The following KCNH7 variants were observed in gnomAD, a reference collection of about 807,000 sequenced individuals.
KCNH7 encodes potassium voltage-gated channel subfamily H member 7, also known as voltage-gated inwardly rectifying potassium channel KCNH7.
A neutral mutation model predicts 120.8 loss-of-function variants in KCNH7; 49 were observed. The observed-to-expected ratio is 0.41, with a 90% CI of 0.32 to 0.51. KCNH7 has a LOEUF of 0.51. Ranked by LOEUF, KCNH7 falls within the 20% of genes least tolerant of loss-of-function variation. The pLI is 0.38. For missense variants in KCNH7, 1,097 were observed against 1,446.6 expected, an observed-to-expected ratio of 0.76 and a Z score of 3.92; for synonymous variants, 547 against 516.1, an observed-to-expected ratio of 1.06 and a Z score of -0.81.
intron 2 of KCNH7, among the ~76,000 whole-genome samples, chr2:162,675,321 C>T (rs975420535): frequency 1.3e-5 from 2 of 151,378 alleles, no homozygotes; most frequent in Non-Finnish European, 3.0e-5. Context: ...CAAACAGCAT[C>T]AAGCATTGAT....
chr2:162,546,017 T>G (rs1692463342), intron 2 of KCNH7, among the ~76,000 whole-genome samples: 1 of 152,222 alleles, frequency 6.6e-6, no homozygotes, highest in African/African-American at 2.4e-5. Context: ...AGCTCTGTTT[T>G]ATATTTGATT....
At chr2:162,680,607 C>T (rs979487452) in intron 2 of KCNH7, among the ~76,000 whole-genome samples, 2 of 151,646 alleles carry the variant, frequency 1.3e-5, no homozygotes, top group Non-Finnish European at 3.0e-5. Context: ...GTTCTACTCT[C>T]CTGGAACTTA....
Position 162,477,858 on chromosome 2 carries a change from A to T in KCNH7, c.1128+26585T>A, listed in dbSNP as rs577138777. On this transcript the variant is annotated intron_variant, in intron 6 of 15. Transcript: ENST00000332142. ...CATCCATCCATCCATCCATCCATCCATTTGCCCACCCACCCAACTTTTATT... is the reference window on the plus strand; with the variant it reads ...CATCCATCCATCCATCCATCCATCCTTTTGCCCACCCACCCAACTTTTATT... 4.7e-4 allele frequency among the ~76,000 whole-genome samples: 71 copies of T among 151,824 alleles called. 1 individual carries two copies. In the South Asian group the frequency reaches 0.014, roughly 31 times the overall value.
chr2:162,828,057 A>G (rs865962440), intron 2 of KCNH7, among the ~76,000 whole-genome samples: 2 of 152,132 alleles, frequency 1.3e-5, no homozygotes. Flanking sequence ...AATGATTACT[A>G]TTATTATTAA....
intron 2 of KCNH7, among the ~76,000 whole-genome samples, chr2:162,794,443 T>C (rs1234150757): frequency 6.6e-6 from 1 of 152,014 alleles, no homozygotes; most frequent in Non-Finnish European, 1.5e-5. Flanking sequence ...CTCAACTCAG[T>C]CCTGGGCTAG....
chr2:162,497,166 G>T (rs1203254376), intron 6 of KCNH7: 1 of 152,110 alleles, frequency 6.6e-6, no homozygotes, highest in Non-Finnish European at 1.5e-5. Context: ...ATAAATACTT[G>T]TTTTGGATTT....
At chr2:162,640,794 G>T (rs2105236356) in intron 2 of KCNH7, among the ~76,000 whole-genome samples, 1 of 152,166 alleles carries the variant, frequency 6.6e-6, no homozygotes, top group East Asian at 1.9e-4. Flanking sequence ...TAAAGGACTG[G>T]TATCTAGAAT....
intron 2 of KCNH7, among the ~76,000 whole-genome samples, chr2:162,716,631 A>G (rs920256836): frequency 2.0e-5 from 3 of 152,116 alleles, no homozygotes; most frequent in African/African-American, 7.2e-5. Context: ...GGCTTTCTCA[A>G]TAAGTGAAGA....
chr2:162,575,602 T>C (rs1374024274), intron 2 of KCNH7, among the ~76,000 whole-genome samples: 2 of 152,068 alleles, frequency 1.3e-5, no homozygotes, highest in Admixed American at 6.6e-5. Flanking sequence ...TATCCTACTA[T>C]GTTATATTTC....
At chr2:162,491,654 A>G (rs1690312246) in intron 6 of KCNH7, among the ~76,000 whole-genome samples, 1 of 152,180 alleles carries the variant, frequency 6.6e-6, no homozygotes, top group African/African-American at 2.4e-5. Flanking sequence ...GAAAAGTTGC[A>G]TTGGCATTCA....
At chr2:162,574,504 G>T (rs1203561874) in intron 2 of KCNH7, among the ~76,000 whole-genome samples, 2 of 152,070 alleles carry the variant, frequency 1.3e-5, no homozygotes, top group East Asian at 3.9e-4. Flanking sequence ...TTGCATAAGT[G>T]CACTTGAAAT....
At chr2:162,592,875 C>T (rs1694256323) in intron 2 of KCNH7, among the ~76,000 whole-genome samples, 1 of 152,044 alleles carries the variant, frequency 6.6e-6, no homozygotes, top group South Asian at 2.1e-4. Flanking sequence ...TTGACATCCA[C>T]TAATCTACAT....
chr2:162,771,253 T>C (rs1683043657), intron 2 of KCNH7, among the ~76,000 whole-genome samples: 1 of 152,190 alleles, frequency 6.6e-6, no homozygotes, highest in African/African-American at 2.4e-5. Flanking sequence ...GGGAACTTCA[T>C]GATCAAAATC....
intron 2 of KCNH7, among the ~76,000 whole-genome samples, chr2:162,650,700 C>T (rs745913262): frequency 6.8e-5 from 10 of 146,152 alleles, no homozygotes; most frequent in Non-Finnish European, 8.8e-5. Flanking sequence ...AATTTTCATC[C>T]CATCAGCATG....
At chr2:162,810,541 G>A (rs1458361054) in intron 2 of KCNH7, among the ~76,000 whole-genome samples, 1 of 152,078 alleles carries the variant, frequency 6.6e-6, no homozygotes, top group Non-Finnish European at 1.5e-5. Flanking sequence ...AATATTAATA[G>A]GAAAGGTATG....
intron 2 of KCNH7, among the ~76,000 whole-genome samples, chr2:162,709,171 T>TAA (rs1355842259): frequency 6.6e-6 from 1 of 152,120 alleles, no homozygotes; most frequent in Non-Finnish European, 1.5e-5. Flanking sequence ...TTTATCGTGA[T>TAA]AATTAAATAA....
chr2:162,808,924 G>T (rs767009771), intron 2 of KCNH7, among the ~76,000 whole-genome samples: 1 of 152,158 alleles, frequency 6.6e-6, no homozygotes, highest in Non-Finnish European at 1.5e-5. Flanking sequence ...GCACTAACTT[G>T]TACAGTCCAG....
In KCNH7 at chr2:162,729,117, C is replaced by T. The variant is rs563542982; in HGVS notation, c.307+107420G>A. ...TGTACATCTGTCTCTCGACTCTATACTGTTTCATCGATCTATATGATTGTC... is the reference window on the plus strand; with the variant it reads ...TGTACATCTGTCTCTCGACTCTATATTGTTTCATCGATCTATATGATTGTC... On this transcript the variant is annotated intron_variant, in intron 2 of 15. Transcript: ENST00000332142. Among the ~76,000 whole-genome samples, 36 of 151,104 alleles carry T rather than the reference C, an allele frequency of 2.4e-4. 1 individual carries two copies. The South Asian group carries it at 3.5e-3, about 15-fold the overall frequency.
intron 9 of KCNH7, among the ~76,000 whole-genome samples, chr2:162,409,503 T>C (rs1459011059): frequency 6.6e-6 from 1 of 151,762 alleles, no homozygotes; most frequent in Non-Finnish European, 1.5e-5. Context: ...AATATAATTA[T>C]AAAATAGATG....
Sources: gnomAD v4.1 joint callset for allele counts (sites outside exome capture counted in the v4.1 genomes callset) on GRCh38, gnomAD v4.1.1 for gene constraint, MANE v1.5 for transcripts, NCBI Gene and HGNC (gene_info 2026-07-23, HGNC 2026-07-21) for gene names.